The following PCDHGB3 variants were observed in gnomAD, a reference collection of about 807,000 sequenced individuals.
PCDHGB3 encodes protocadherin gamma subfamily B, 3.
PCDHGB3 carries 40 observed loss-of-function variants against 59.2 expected under a neutral mutation model. The ratio of observed to expected loss-of-function variants is 0.68; its 90% CI spans 0.52 to 0.88. PCDHGB3 has a LOEUF of 0.88. PCDHGB3 is among the 40% of genes least tolerant of loss of function. The pLI, the probability that PCDHGB3 is intolerant of heterozygous loss-of-function variation, is 0.00. For missense variants in PCDHGB3, 1,309 were observed against 1,187.9 expected (o/e 1.10, Z -1.50); for synonymous variants, 581 against 503.6 (o/e 1.15, Z -2.06).
chr5:141,485,074 G>C lies in PCDHGB3; in HGVS notation c.2416-9733G>C, dbSNP rs2099606548. ...GGCCGAACCGCGCCAGAGCTGGCGC[G>C]GGGAAAGGGAGATAGGTGTCTCCAG... On this transcript the variant is annotated intron_variant, in intron 1 of 3. Coordinates refer to ENST00000576222, the MANE Select transcript of PCDHGB3 (RefSeq NM_018924.5). The surrounding 1 kb of genome is among the most constrained non-coding windows in gnomAD (Gnocchi z 5.7). 1 of 926,946 alleles carries C rather than the reference G, an allele frequency of 1.1e-6. No individual in the cohort carries two copies. The highest frequency in any genetic ancestry group is 1.6e-5 in the South Asian group (1 of 62,606). The allele number at this position is 926,946 out of a possible 1,614,324, so 57.4% of individuals were successfully genotyped here.
At chr5:141,455,159 G>GT (rs1390145608) in intron 1 of PCDHGB3, among the ~76,000 whole-genome samples, 2,419 of 144,948 alleles carry the variant, frequency 0.017, 50 homozygotes, top group African/African-American at 0.056. Context: ...TTAGTTTGTT[G>GT]GTTTTTTTTT....
chr5:141,415,007 G>A (rs369009151), intron 1 of PCDHGB3: 1 of 1,613,654 alleles, frequency 6.2e-7, no homozygotes, highest in South Asian at 1.1e-5. Flanking sequence ...CTGTCCTACC[G>A]TCTGCTCAAG....
At chr5:141,376,143 C>T (rs968258270) in intron 1 of PCDHGB3, 3 of 1,613,858 alleles carry the variant, frequency 1.9e-6, no homozygotes, top group East Asian at 2.2e-5. Flanking sequence ...CCCAACGATT[C>T]GGACCTCACT....
chr5:141,397,172 G>C (rs1407642752), intron 1 of PCDHGB3, among the ~76,000 whole-genome samples: 3 of 152,128 alleles, frequency 2.0e-5, no homozygotes, highest in Non-Finnish European at 2.9e-5. Flanking sequence ...TAACTCTTAA[G>C]AATGAATTTA....
chr5:141,375,447 C>T, intron 1 of PCDHGB3: 1 of 1,614,018 alleles, frequency 6.2e-7, no homozygotes, highest in Non-Finnish European at 8.5e-7. Flanking sequence ...TTCCCCCATT[C>T]ATCCTACTCA....
intron 1 of PCDHGB3, chr5:141,374,688 G>A (rs750510871): frequency 3.1e-6 from 5 of 1,609,528 alleles, no homozygotes; most frequent in East Asian, 2.2e-5. Context: ...ACACTGGACC[G>A]GGAAGGAGAA....
rs774155523 is a variant in PCDHGB3, at chr5:141,372,008, C to A, written c.1614C>A (p.Gly538=). Residue 538 remains glycine, a synonymous_variant, in exon 1 of 4, where the codon GGC becomes GGA. Coordinates refer to ENST00000576222, the MANE Select transcript of PCDHGB3 (RefSeq NM_018924.5). ...FELTLQARDQ[G]SPTLSANVSL... ...TCACTCTGCAGGCCCGCGACCAGGG[C>A]TCGCCTACGCTCAGCGCCAACGTGA... is the stretch of plus-strand genomic sequence containing the variant. 1.9e-6 allele frequency: 3 copies of A among 1,613,290 alleles called. No individual in the cohort carries two copies. The highest frequency in any genetic ancestry group is 4.5e-5 in the East Asian group (2 of 44,878).
At chr5:141,422,850 G>T (rs184432819) in intron 1 of PCDHGB3, 7 of 1,614,086 alleles carry the variant, frequency 4.3e-6, no homozygotes, top group Non-Finnish European at 5.9e-6. Context: ...GCGGGGACCC[G>T]CCCCTCAGCA....
chr5:141,375,702 C>T, intron 1 of PCDHGB3: 2 of 1,614,242 alleles, frequency 1.2e-6, no homozygotes, highest in Non-Finnish European at 1.7e-6. Flanking sequence ...AGCGGGGACC[C>T]GCCTCTTAGC....
At position 141,374,269 on chromosome 5, in the gene PCDHGB3, C is replaced by T. The variant is rs372510702; in HGVS notation, c.2415+1460C>T. The stretch of plus-strand genomic sequence containing the variant: ...TGGAGCCCCAGGAGTTGGCGGAGCA[C>T]GGAGTCCGCATCGTCTCCAGAGGTA... On this transcript the variant is annotated intron_variant, in intron 1 of 3. Transcript: ENST00000576222. 9.5e-5 allele frequency: 154 copies of T among 1,614,002 alleles called. No homozygotes were observed. In the African/African-American group the frequency reaches 1.8e-3, roughly 19 times the overall value.
chr5:141,478,465 C>T (rs768021356), intron 1 of PCDHGB3: 6 of 1,613,730 alleles, frequency 3.7e-6, no homozygotes, highest in Non-Finnish European at 5.1e-6. Context: ...GTCCACTGGC[C>T]AGCCGCCAGA....
intron 1 of PCDHGB3, chr5:141,409,788 C>T (rs1224847553): frequency 3.1e-6 from 5 of 1,612,138 alleles, no homozygotes; most frequent in Admixed American, 1.7e-5. Flanking sequence ...CGCGCCTTCG[C>T]GCTCACGCTG....
chr5:141,476,055 GT>G lies in PCDHGB3; in HGVS notation c.2416-18749del. 6.7e-7 allele frequency: 1 copy of G among 1,503,516 alleles called. No homozygotes were observed. Among genetic ancestry groups the G allele is most frequent in the South Asian group, 1.3e-5 (1 of 75,386 alleles). The allele number at this position is 1,503,516 out of a possible 1,614,324, so 93.1% of individuals were successfully genotyped here. ...GCGCCCAAGCGCTAACCCGCTGAAA[GT>G]TTCTCAGCGAAATCTCAGGGACGAT... On this transcript the variant is annotated intron_variant, in intron 1 of 3. Transcript: ENST00000576222. The surrounding 1 kb of genome is among the most constrained non-coding windows in gnomAD (Gnocchi z 7.6).
chr5:141,413,256 A>G (rs1255086187), intron 1 of PCDHGB3: 2 of 1,613,946 alleles, frequency 1.2e-6, no homozygotes, highest in Admixed American at 1.7e-5. Context: ...TCGGGATTCC[A>G]TGGGAGGCTG....
At position 141,491,070 on chromosome 5, in the gene PCDHGB3, G is replaced by T. The variant is rs1405880268; in HGVS notation, c.2416-3737G>T. On this transcript the variant is annotated intron_variant, in intron 1 of 3. Transcript: ENST00000576222. The surrounding 1 kb of genome is among the most constrained non-coding windows in gnomAD (Gnocchi z 6.9). ...ATGCGTGGCTCTCCTACTCACTGTTGCCACAGTCCACAGCCCCAGGACTGT... is the reference window on the plus strand; with the variant it reads ...ATGCGTGGCTCTCCTACTCACTGTTTCCACAGTCCACAGCCCCAGGACTGT... 6.2e-7 allele frequency: 1 copy of T among 1,614,162 alleles called. No homozygotes were observed. Among genetic ancestry groups the T allele is most frequent in the Non-Finnish European group, 8.5e-7 (1 of 1,180,038 alleles).
chr5:141,430,975 G>A (rs776670383), intron 1 of PCDHGB3: 2 of 1,613,208 alleles, frequency 1.2e-6, no homozygotes, highest in Admixed American at 1.7e-5. Flanking sequence ...GAGGTAGGAC[G>A]CAGCTTTTCG....
chr5:141,417,524 T>C (rs2096128269), intron 1 of PCDHGB3: 1 of 271,098 alleles, frequency 3.7e-6, no homozygotes, highest in African/African-American at 2.2e-5. Flanking sequence ...GGCTGTCAAC[T>C]CGTAGTTTAA....
At chr5:141,374,611 T>G in intron 1 of PCDHGB3, 1 of 1,613,552 alleles carries the variant, frequency 6.2e-7, no homozygotes, top group East Asian at 2.2e-5. Context: ...GTGGTAATAG[T>G]CACTTCTCAG....
At chr5:141,389,055 A>G in intron 1 of PCDHGB3, 1 of 1,613,996 alleles carries the variant, frequency 6.2e-7, no homozygotes, top group South Asian at 1.1e-5. Context: ...TGTTCCATTT[A>G]AAATATTAAC....
Sources: allele counts gnomAD v4.1 joint callset (sites outside exome capture counted in the v4.1 genomes callset), GRCh38; gene constraint gnomAD v4.1.1; non-coding constraint Gnocchi (gnomAD v3.1); transcripts MANE v1.5; gene names NCBI Gene and HGNC (gene_info 2026-07-23, HGNC 2026-07-21).